Variants in ATXN8OS observed in about 807,000 individuals in gnomAD.
ATXN8OS encodes ATXN8 opposite strand lncRNA, also known as ATXN8 opposite strand (non-protein coding).
chr13:70,160,522 G>C (rs1888995025), intron 4 of ATXN8OS, among the ~76,000 whole-genome samples: 1 of 151,354 alleles, frequency 6.6e-6, no homozygotes, highest in African/African-American at 2.4e-5. Flanking sequence ...AAGTTTCTTA[G>C]TGTTTTAAAT....
intron 1 of ATXN8OS, among the ~76,000 whole-genome samples, chr13:70,108,756 G>A (rs1180169746): frequency 1.3e-5 from 2 of 152,228 alleles, no homozygotes; most frequent in Non-Finnish European, 2.9e-5. Flanking sequence ...CAGTTTGCAG[G>A]TTGCAGGTTA....
At chr13:70,167,783 T>G (rs1389076521) in intron 4 of ATXN8OS, among the ~76,000 whole-genome samples, 1 of 129,028 alleles carries the variant, frequency 7.8e-6, no homozygotes, top group Non-Finnish European at 1.6e-5. Context: ...TTGCCCAGGC[T>G]GGAGTGCAGT....
chr13:70,161,088 C>T lies in ATXN8OS; in HGVS notation n.574-8665C>T, dbSNP rs191901181. On this transcript the variant is annotated intron_variant and non_coding_transcript_variant, in intron 4 of 4. Coordinates refer to ENST00000678624, the Ensembl canonical transcript of ATXN8OS. ...CTATGAACTTTAATTATCTTAAAAT[C>T]GGATTCTTCTAAAGTAAGCCAGTAA... is the stretch of plus-strand genomic sequence containing the variant. Among the ~76,000 whole-genome samples the T allele has an allele frequency of 5.3e-5, 8 of 150,610 alleles. No individual in the cohort carries two copies. In the East Asian group the frequency reaches 1.6e-3, roughly 29 times the overall value.
At chr13:70,109,334 G>C (rs1323493675) in intron 1 of ATXN8OS, among the ~76,000 whole-genome samples, 1 of 152,162 alleles carries the variant, frequency 6.6e-6, no homozygotes, top group Non-Finnish European at 1.5e-5. Flanking sequence ...TGAAGGCAAA[G>C]GGACCAGAAA....
chr13:70,139,635 A>G (rs544717747), intron 3 of ATXN8OS, among the ~76,000 whole-genome samples: 6 of 152,206 alleles, frequency 3.9e-5, no homozygotes, highest in African/African-American at 1.2e-4. Context: ...TTTCTCAAAC[A>G]CAATGTTTAT....
At chr13:70,168,573 CTCTCTA>C (rs1186789235) in intron 4 of ATXN8OS, among the ~76,000 whole-genome samples, 1 of 149,380 alleles carries the variant, frequency 6.7e-6, no homozygotes, top group Non-Finnish European at 1.5e-5. Context: ...TATCATTCTA[CTCTCTA>C]TCTCTGTGAC....
At chr13:70,148,352 G>A (rs540970774) in intron 4 of ATXN8OS, among the ~76,000 whole-genome samples, 6 of 152,142 alleles carry the variant, frequency 3.9e-5, no homozygotes, top group African/African-American at 9.6e-5. Context: ...TCAAGAGTCG[G>A]GTTGGACTTG....
intron 3 of ATXN8OS, among the ~76,000 whole-genome samples, chr13:70,132,582 G>C (rs299528): frequency 0.87 from 132,553 of 151,970 alleles, 57,998 homozygotes; most frequent in East Asian, 1. Flanking sequence ...ACCCAGGTAA[G>C]AAACTTGCAC....
chr13:70,128,089 C>T (rs1047661804), intron 2 of ATXN8OS, among the ~76,000 whole-genome samples: 45 of 151,842 alleles, frequency 3.0e-4, no homozygotes, highest in African/African-American at 1.0e-3. Context: ...GTATGAAAAA[C>T]AGTTTATAGA....
chr13:70,131,139 A>C, intron 3 of ATXN8OS: 1 of 398,516 alleles, frequency 2.5e-6, no homozygotes, highest in Non-Finnish European at 4.4e-6. Flanking sequence ...GGGCACACAC[A>C]TACCATAAGC....
chr13:70,123,413 G>A (rs1030247130), intron 2 of ATXN8OS, among the ~76,000 whole-genome samples: 1 of 152,062 alleles, frequency 6.6e-6, no homozygotes, highest in African/African-American at 2.4e-5. Flanking sequence ...TAAATGTGAA[G>A]AATGTTCAAA....
upstream of ATXN8OS, chr13:70,107,547 G>A: frequency 6.2e-7 from 1 of 1,609,240 alleles, no homozygotes; most frequent in Non-Finnish European, 8.5e-7. Flanking sequence ...GACTCTGGCT[G>A]GGTCCCCAGT....
intron 4 of ATXN8OS, among the ~76,000 whole-genome samples, chr13:70,163,344 A>G (rs1393594318): frequency 2.0e-5 from 3 of 152,028 alleles, no homozygotes; most frequent in African/African-American, 7.2e-5. Flanking sequence ...ATCTAAGTCC[A>G]GGATCTTAAT....
At chr13:70,132,736 T>C (rs1314125154) in intron 3 of ATXN8OS, among the ~76,000 whole-genome samples, 2 of 152,234 alleles carry the variant, frequency 1.3e-5, no homozygotes, top group Admixed American at 6.5e-5. Flanking sequence ...TACACATTTA[T>C]TGGCCTTCAT....
chr13:70,123,331 T>C (rs1375800617), intron 2 of ATXN8OS, among the ~76,000 whole-genome samples: 1 of 152,158 alleles, frequency 6.6e-6, no homozygotes, highest in Non-Finnish European at 1.5e-5. Flanking sequence ...TAACTAATAG[T>C]AAAGTACAGC....
rs924723501 is a variant in ATXN8OS at position 70,144,001 on chromosome 13, C to T, written n.500-3354C>T. Among the ~76,000 whole-genome samples, 3 of 151,976 alleles carry T rather than the reference C, an allele frequency of 2.0e-5. No individual in the cohort carries two copies. The East Asian group carries it at 5.8e-4, about 29-fold the overall frequency. ...AAGATTAGATCATTTGATTCTATAC[C>T]TTTATTGGTTTTTATCAGAAAATAA... is the stretch of plus-strand genomic sequence containing the variant. On this transcript the variant is annotated intron_variant and non_coding_transcript_variant, in intron 3 of 4. Coordinates refer to ENST00000678624, the Ensembl canonical transcript of ATXN8OS.
chr13:70,161,797 T>C (rs945272129), intron 4 of ATXN8OS, among the ~76,000 whole-genome samples: 1 of 151,776 alleles, frequency 6.6e-6, no homozygotes, highest in Non-Finnish European at 1.5e-5. Context: ...GGATGTACAA[T>C]GCAAACAATG....
chr13:70,156,488 G>A (rs1427215771), intron 4 of ATXN8OS, among the ~76,000 whole-genome samples: 4 of 151,808 alleles, frequency 2.6e-5, no homozygotes, highest in South Asian at 2.1e-4. Context: ...TATATTTTAT[G>A]ATAATTTCTA....
intron 3 of ATXN8OS, among the ~76,000 whole-genome samples, chr13:70,145,403 T>C (rs1308146442): frequency 6.6e-6 from 1 of 151,804 alleles, no homozygotes; most frequent in African/African-American, 2.4e-5. Context: ...CATTGGTAGC[T>C]TGATGGGGAT....
Sources: allele counts gnomAD v4.1 joint callset (sites outside exome capture counted in the v4.1 genomes callset), GRCh38; gene constraint gnomAD v4.1.1; transcripts MANE v1.5; gene names NCBI Gene and HGNC (gene_info 2026-07-23, HGNC 2026-07-21).